The following PDLIM3 variants were observed in gnomAD, a reference collection of about 807,000 sequenced individuals.
The protein encoded by PDLIM3 is PDZ and LIM domain protein 3.
In PDLIM3, 36 loss-of-function variants were observed where a neutral mutation model predicts 37.3. The ratio of observed to expected loss-of-function variants is 0.97; its 90% confidence interval spans 0.74 to 1.28. PDLIM3 has a LOEUF of 1.28. PDLIM3 is among the 50% of genes most tolerant of loss of function. PDLIM3 has a pLI of 0.00. For missense variants in PDLIM3, 454 were observed against 485.0 expected (o/e 0.94, Z 0.60); for synonymous variants, 174 against 182.4 (o/e 0.95, Z 0.37).
At chr4:185,527,943 G>T (rs200693494) in intron 1 of PDLIM3, among the ~76,000 whole-genome samples, 2 of 152,074 alleles carry the variant, frequency 1.3e-5, no homozygotes, top group Admixed American at 1.3e-4. Context: ...AGTCCCAGCT[G>T]CTCAGGAGGC....
chr4:185,511,647 C>T (rs898630921), intron 4 of PDLIM3, among the ~76,000 whole-genome samples: 1 of 151,978 alleles, frequency 6.6e-6, no homozygotes, highest in Non-Finnish European at 1.5e-5. Context: ...AAGTGTGAGC[C>T]GCCATGTCCA....
chr4:185,512,625 T>A, intron 4 of PDLIM3: 1 of 970,356 alleles, frequency 1.0e-6, no homozygotes, highest in Non-Finnish European at 1.2e-6. Flanking sequence ...TGTTATAGGT[T>A]TTTAGTAAAG....
intron 4 of PDLIM3, chr4:185,513,078 C>T (rs752476539): frequency 9.0e-4 from 887 of 984,708 alleles, no homozygotes; most frequent in Non-Finnish European, 1.0e-3. Flanking sequence ...TAGATGGTCG[C>T]TTATTGAGCA....
intron 2 of PDLIM3, among the ~76,000 whole-genome samples, chr4:185,524,048 G>T (rs2095728313): frequency 6.6e-6 from 1 of 151,768 alleles, no homozygotes; most frequent in Admixed American, 6.6e-5. Context: ...GACTCTGCAG[G>T]CACACTCTGC....
In PDLIM3 at chr4:185,535,401, G is replaced by A. The variant is rs775251189; in HGVS notation, c.34C>T (p.Pro12Ser). The change falls in exon 1 of 8, where the codon CCC (proline) becomes TCC (serine). Residue 12 changes from proline to serine, a missense_variant. Pro to Ser is a moderately conservative substitution (Grantham distance 74, BLOSUM62 -1). Transcript: ENST00000284767. Reference protein sequence around the residue: ...PQTVILPGPAPWGFRLSGGID... With the variant: ...PQTVILPGPASWGFRLSGGID... The stretch of plus-strand genomic sequence containing the variant: ...CCCCCTGAGAGCCTGAAGCCCCAGG[G>A]CGCAGGGCCCGGGAGGATCACCGTC... 6.2e-7 allele frequency: 1 copy of A among 1,607,406 alleles called. No homozygotes were observed. Among genetic ancestry groups the A allele is most frequent in the Non-Finnish European group, 8.5e-7 (1 of 1,177,280 alleles).
chr4:185,508,683 A>C, intron 4 of PDLIM3, 121 bp from the exon 5 acceptor site: 1 of 935,746 alleles, frequency 1.1e-6, no homozygotes, highest in Non-Finnish European at 1.7e-6. Context: ...TGAGAGGTGA[A>C]TTACATCAAA....
At position 185,514,051 on chromosome 4, in the gene PDLIM3, A is replaced by G. The variant is rs2095710840; in HGVS notation, c.398+219T>C. 1.4e-6 allele frequency: 2 copies of G among 1,438,538 alleles called. No homozygotes were observed. The highest frequency in any genetic ancestry group is 1.8e-6 in the Non-Finnish European group (2 of 1,098,294). The allele number at this position is 1,438,538 out of a possible 1,614,324, so 89.1% of individuals were successfully genotyped here. ...ATAAATACACGTGGTGATTGCATAC[A>G]ATTTCACAGCTCTGTCATCTTGTCA... On this transcript the variant is annotated intron_variant, in intron 4 of 7. Transcript: ENST00000284767. This position sits in a 1 kb window ranked among gnomAD's most constrained non-coding sequence, Gnocchi z 4.0.
rs1456062995 is a variant in PDLIM3 at position 185,504,588 on chromosome 4, T to C, written c.794-2A>G. 2.5e-6 allele frequency: 4 copies of C among 1,612,750 alleles called. No homozygotes were observed. In the Admixed American group the frequency reaches 6.7e-5, roughly 27 times the overall value. On this transcript the variant is annotated splice_acceptor_variant, in intron 6 of 7. Coordinates refer to ENST00000284767, the MANE Select transcript of PDLIM3 (RefSeq NM_014476.6). LOFTEE classifies it high-confidence loss of function. The surrounding 1 kb of genome is among the most constrained non-coding windows in gnomAD (Gnocchi z 4.7). Reference sequence around the variant, plus strand: ...TCCGCGTTCCAGCCGGACGGTCATCTGAAAAACAAAGCGTTTCCATTTATG... The same window carrying C: ...TCCGCGTTCCAGCCGGACGGTCATCCGAAAAACAAAGCGTTTCCATTTATG...
At chr4:185,502,702 C>T (rs1054989027) in intron 7 of PDLIM3, among the ~76,000 whole-genome samples, 1 of 152,112 alleles carries the variant, frequency 6.6e-6, no homozygotes, top group South Asian at 2.1e-4. Context: ...CTGATGTTGA[C>T]GTGTGACTAT....
chr4:185,518,685 C>A lies in PDLIM3; in HGVS notation c.331-4348G>T, dbSNP rs376887938. Among the ~76,000 whole-genome samples, 12 of 152,250 alleles carry A rather than the reference C, an allele frequency of 7.9e-5. No individual in the cohort carries two copies. The East Asian group carries it at 1.3e-3, about 17-fold the overall frequency. On this transcript the variant is annotated intron_variant, in intron 3 of 7. Coordinates refer to ENST00000284767, the MANE Select transcript of PDLIM3 (RefSeq NM_014476.6). ...TCATCATCCTTTTTTCTCCAGTGAG[C>A]AGTTTCAAGTGTTTCCCATCTCTCA...
At position 185,501,694 on chromosome 4, in the gene PDLIM3, TTC is replaced by T. The variant is rs2095687270; in HGVS notation, c.*598_*599del. 1 of 155,202 alleles carries T rather than the reference TTC, an allele frequency of 6.4e-6. No individual in the cohort carries two copies. Among genetic ancestry groups the T allele is most frequent in the South Asian group, 2.0e-4 (1 of 5,042 alleles). The allele number at this position is 155,202 out of a possible 1,614,324, so 9.6% of individuals were successfully genotyped here. A position where few individuals can be genotyped will look rare whatever the true frequency, so the allele number is the denominator to read the frequency against. On this transcript the variant is annotated 3_prime_UTR_variant, in exon 8 of 8. Transcript: ENST00000284767. ...GTGTACATGTTAAAATATGATTGGG[TTC>T]TCTCATTGAAATGTTGATTTTATTT... is the stretch of plus-strand genomic sequence containing the variant.
At chr4:185,503,116 C>T (rs918454609) in intron 7 of PDLIM3, among the ~76,000 whole-genome samples, 2 of 151,974 alleles carry the variant, frequency 1.3e-5, no homozygotes, top group Admixed American at 1.3e-4. Flanking sequence ...CCCAGCTACT[C>T]GGGAGGCTGA....
chr4:185,510,584 T>C (rs948510653), intron 4 of PDLIM3, among the ~76,000 whole-genome samples: 1 of 152,196 alleles, frequency 6.6e-6, no homozygotes, highest in African/African-American at 2.4e-5. Context: ...TTTTTGATAT[T>C]TCAAGGCTAC....
rs761264018 is a variant in PDLIM3, at chr4:185,502,262, GGTGC to G, written c.*28_*31del. On this transcript the variant is annotated 3_prime_UTR_variant, in exon 8 of 8. Transcript: ENST00000284767. ...CTTCTCGTGTAAGTGCGCGTGGGTG[GGTGC>G]GTGCGTGCGTGCCACGCCTGCAGAG... 24 of 1,602,350 alleles carry G rather than the reference GGTGC, an allele frequency of 1.5e-5. No individual in the cohort carries two copies. Among genetic ancestry groups the G allele is most frequent in the East Asian group, 4.5e-5 (2 of 44,814 alleles).
At chr4:185,505,545 C>T (rs751251828) in intron 6 of PDLIM3, among the ~76,000 whole-genome samples, 1 of 151,810 alleles carries the variant, frequency 6.6e-6, no homozygotes, top group African/African-American at 2.4e-5. Flanking sequence ...CACTTGAACC[C>T]GGGAGGCAGA....
rs1168950745 is a variant in PDLIM3, at chr4:185,504,314, G to T, written c.905+161C>A. Among the ~76,000 whole-genome samples, 1 of 152,078 alleles carries T rather than the reference G, an allele frequency of 6.6e-6. No homozygotes were observed. The highest frequency in any genetic ancestry group is 1.5e-5 in the Non-Finnish European group (1 of 68,006). On this transcript the variant is annotated intron_variant, in intron 7 of 7. Transcript: ENST00000284767. The surrounding 1 kb of genome is among the most constrained non-coding windows in gnomAD (Gnocchi z 4.7). ...GACAATTTGGAGGTATATCTAAGGAGTGACAGTCACAATGTGCTAAATGTT... is the reference window on the plus strand; with the variant it reads ...GACAATTTGGAGGTATATCTAAGGATTGACAGTCACAATGTGCTAAATGTT...
intron 1 of PDLIM3, among the ~76,000 whole-genome samples, chr4:185,532,692 G>C (rs960104606): frequency 2.0e-5 from 3 of 152,216 alleles, no homozygotes; most frequent in Non-Finnish European, 2.9e-5. Context: ...AGTCATGAAT[G>C]TTGTGCAAAG....
At chr4:185,518,159 G>A (rs1038529725) in intron 3 of PDLIM3, among the ~76,000 whole-genome samples, 9 of 152,144 alleles carry the variant, frequency 5.9e-5, no homozygotes, top group African/African-American at 1.9e-4. Context: ...AATGTTAGAG[G>A]CTTATATTAA....
chr4:185,535,450 C>G lies in PDLIM3; in HGVS notation c.-16G>C. Reference sequence around the variant, plus strand: ...TCTGGGGCATGCCGCCTTCCTCCCGCCCACCGGGCTCTAAGTGTCCCCGCG... The same window carrying G: ...TCTGGGGCATGCCGCCTTCCTCCCGGCCACCGGGCTCTAAGTGTCCCCGCG... On this transcript the variant is annotated 5_prime_UTR_variant, in exon 1 of 8. Transcript: ENST00000284767. 6.3e-7 allele frequency: 1 copy of G among 1,575,378 alleles called. No individual in the cohort carries two copies. Among genetic ancestry groups the G allele is most frequent in the Non-Finnish European group, 8.6e-7 (1 of 1,162,070 alleles).
Sources: gnomAD v4.1 joint callset for allele counts (sites outside exome capture counted in the v4.1 genomes callset) on GRCh38, gnomAD v4.1.1 for gene constraint, Gnocchi (gnomAD v3.1) non-coding constraint, MANE v1.5 for transcripts, NCBI Gene and HGNC (gene_info 2026-07-23, HGNC 2026-07-21) for gene names.